The following ACLY variants were observed in gnomAD, a reference collection of about 807,000 sequenced individuals.
ACLY encodes the protein ATP-citrate synthase.
A neutral mutation model predicts 133.0 loss-of-function variants in ACLY; 41 were observed. That is an observed-to-expected ratio of 0.31 (90% CI 0.24 to 0.40). The LOEUF (loss-of-function observed/expected upper bound fraction) is 0.40. Ranked by LOEUF, ACLY falls within the 10% of genes least tolerant of loss-of-function variation. The probability of loss-of-function intolerance (pLI) is 1.00; values close to 1 mark genes in which losing one functional copy is unlikely to be tolerated. For synonymous variants in ACLY, 495 were observed against 549.3 expected (o/e 0.90, Z 1.38); for missense variants, 1,046 against 1,453.8 (o/e 0.72, Z 4.56).
chr17:41,868,633 A>G lies in ACLY; in HGVS notation c.3211+76T>C, dbSNP rs1199590833. The G allele has an allele frequency of 5.1e-5, 49 of 968,504 alleles. No homozygotes were observed. The African/African-American group carries it at 6.9e-4, about 14-fold the overall frequency. The allele number at this position is 968,504 out of a possible 1,614,324, so 60.0% of individuals were successfully genotyped here. A position where few individuals can be genotyped will look rare whatever the true frequency, so the allele number is the denominator to read the frequency against. ...AAAAAAAAGAAAGAAAAAGAAACTC[A>G]ACCCCATGAGTAAGTGGTGTAGCTG... On this transcript the variant is annotated intron_variant, in intron 28 of 28. Coordinates refer to ENST00000352035, the MANE Select transcript of ACLY (RefSeq NM_001096.3).
At chr17:41,921,442 C>T (rs2050180653), upstream of ACLY, among the ~76,000 whole-genome samples, 1 of 145,584 alleles carries the variant, frequency 6.9e-6, no homozygotes, top group Non-Finnish European at 1.5e-5. Context: ...TGAGATTGTG[C>T]ACTCCAGCCT....
intron 25 of ACLY, among the ~76,000 whole-genome samples, chr17:41,871,020 T>G (rs1178158938): frequency 6.6e-6 from 1 of 152,052 alleles, no homozygotes; most frequent in Non-Finnish European, 1.5e-5. Context: ...ATTTTTGGAG[T>G]TGTCTGTTAC....
In ACLY at chr17:41,886,224, G is replaced by A. The variant is rs2049043769; in HGVS notation, c.1960C>T (p.Pro654Ser). 3.1e-6 allele frequency: 5 copies of A among 1,614,204 alleles called. 1 individual carries two copies. The South Asian group carries it at 4.4e-5, about 14-fold the overall frequency. Residue 654 changes from proline to serine, a missense_variant, in exon 18 of 29, where the codon CCA becomes TCA. Physicochemically the swap from Pro to Ser is moderately conservative, Grantham distance 74. Coordinates refer to ENST00000352035, the MANE Select transcript of ACLY (RefSeq NM_001096.3). ...CGTGAGACATAGGCCACGCTGCCTGGGCGGTACAGTTTGGAGGCCAGGATG... is the reference window on the plus strand; with the variant it reads ...CGTGAGACATAGGCCACGCTGCCTGAGCGGTACAGTTTGGAGGCCAGGATG... Reference protein sequence around the residue: ...DNILASKLYRPGSVAYVSRSG... With the variant: ...DNILASKLYRSGSVAYVSRSG...
chr17:41,871,978 T>C, intron 24 of ACLY, 54 bp downstream of exon 24: 1 of 1,605,694 alleles, frequency 6.2e-7, no homozygotes, highest in Non-Finnish European at 8.5e-7. Context: ...CAAAGCAGCA[T>C]GAGGCCAAGG....
intron 7 of ACLY, 103 bp from the exon 8 acceptor site, chr17:41,906,749 G>T: frequency 9.5e-7 from 1 of 1,056,492 alleles, no homozygotes; most frequent in Non-Finnish European, 1.5e-6. Context: ...ATGAAAAGGT[G>T]CCTTAATGGG....
At chr17:41,918,987 G>C (rs1567918804), upstream of ACLY, 1 of 1,287,410 alleles carries the variant, frequency 7.8e-7, no homozygotes, top group Admixed American at 2.3e-5. Flanking sequence ...TTTTGTCCCG[G>C]CCCAGCCGGA....
At chr17:41,891,109 A>G (rs1555629190) in intron 16 of ACLY, among the ~76,000 whole-genome samples, 2 of 152,176 alleles carry the variant, frequency 1.3e-5, no homozygotes, top group East Asian at 3.8e-4. Flanking sequence ...ATAACAGCAC[A>G]CTGCAACCTC....
Position 41,871,556 on chromosome 17 carries a change from T to C in ACLY, c.2937+133A>G, listed in dbSNP as rs982179763. On this transcript the variant is annotated intron_variant, in intron 25 of 28. Coordinates refer to ENST00000352035, the MANE Select transcript of ACLY (RefSeq NM_001096.3). ...TTTTAGTAGAGACGGGGTTTCTCCA[T>C]GTTGGTCAGGCTGGTCTCCAACTCC... 33 of 1,031,136 alleles carry C rather than the reference T, an allele frequency of 3.2e-5. No homozygotes were observed. In the African/African-American group the frequency reaches 5.1e-4, roughly 16 times the overall value. The allele number at this position is 1,031,136 out of a possible 1,614,324, so 63.9% of individuals were successfully genotyped here.
chr17:41,923,048 C>G (rs2050201123), upstream of ACLY, among the ~76,000 whole-genome samples: 1 of 152,194 alleles, frequency 6.6e-6, no homozygotes, highest in Non-Finnish European at 1.5e-5. Context: ...AGCTCTAAAC[C>G]AGGCTGGGTG....
At chr17:41,901,369 A>G (rs1457629659) in intron 11 of ACLY, among the ~76,000 whole-genome samples, 1 of 152,054 alleles carries the variant, frequency 6.6e-6, no homozygotes, top group Non-Finnish European at 1.5e-5. Context: ...CCCCTGACAT[A>G]GCAGTTTGTG....
rs41275673 is a variant in ACLY at position 41,872,157 on chromosome 17, T to A, written c.2668A>T (p.Ile890Phe). The A allele has an allele frequency of 1.2e-3, 1,904 of 1,613,830 alleles. 2 individuals carry two copies. Among genetic ancestry groups the A allele is most frequent in the South Asian group, 2.5e-3 (225 of 91,072 alleles). ...KRLPKYSCQFIEMCLMVTADH... is the reference protein window; with the variant it reads ...KRLPKYSCQFFEMCLMVTADH... ...GCTGTCACCATCAGACACATCTCAA[T>A]GAACTGGCAAGAGTACTTAGGCAAC... is the stretch of plus-strand genomic sequence containing the variant. The change falls in exon 24 of 29, where the codon ATT becomes TTT. Residue 890 changes from isoleucine (I) to phenylalanine (F), a missense_variant. By Grantham distance (21) the Ile-to-Phe change is conservative. Transcript: ENST00000352035.
At chr17:41,878,261 C>G (rs1198457412) in intron 21 of ACLY, 65 bp from the exon 22 acceptor site, 2 of 1,127,006 alleles carry the variant, frequency 1.8e-6, no homozygotes, top group African/African-American at 3.2e-5. Flanking sequence ...GTAAGACATC[C>G]CAAGAATGCT....
intron 22 of ACLY, 109 bp downstream of exon 22, chr17:41,877,994 T>C (rs1386580245): frequency 6.9e-6 from 4 of 577,046 alleles, no homozygotes; most frequent in Non-Finnish European, 1.1e-5. Context: ...CCCCGACTAA[T>C]ACAGAAGGCC....
intron 22 of ACLY, among the ~76,000 whole-genome samples, chr17:41,874,199 TA>T (rs2048671312): frequency 1.3e-5 from 2 of 152,330 alleles, no homozygotes; most frequent in Admixed American, 1.3e-4. Flanking sequence ...GCATCAGCAC[TA>T]TCAGCTCTAT....
intron 12 of ACLY, 142 bp downstream of exon 12, chr17:41,898,489 T>C: frequency 9.0e-7 from 1 of 1,110,806 alleles, no homozygotes; most frequent in Admixed American, 2.9e-5. Flanking sequence ...GGAAAAAAAT[T>C]GGCAGAGATC....
At chr17:41,923,286 T>C (rs1246336264), upstream of ACLY, among the ~76,000 whole-genome samples, 4 of 152,230 alleles carry the variant, frequency 2.6e-5, no homozygotes, top group East Asian at 1.9e-4. Context: ...CAGAGGGTTA[T>C]AGGCACCATC....
At chr17:41,896,756 C>A in intron 13 of ACLY, 107 bp from the exon 14 acceptor site, 2 of 1,041,480 alleles carry the variant, frequency 1.9e-6, no homozygotes, top group African/African-American at 1.6e-5. Flanking sequence ...CCTTTCAGGG[C>A]TAAAGCCCTC....
At chr17:41,899,941 T>C (rs1186815063) in intron 11 of ACLY, among the ~76,000 whole-genome samples, 1 of 151,510 alleles carries the variant, frequency 6.6e-6, no homozygotes. Context: ...TTGTGGCATG[T>C]ATCTGTAGTC....
At chr17:41,905,197 T>C (rs981651638) in intron 9 of ACLY, among the ~76,000 whole-genome samples, 28 of 152,196 alleles carry the variant, frequency 1.8e-4, no homozygotes, top group African/African-American at 5.1e-4. Context: ...ACTGAGTTTA[T>C]TGCAATCAGA....
Sources: gnomAD v4.1 joint callset for allele counts (sites outside exome capture counted in the v4.1 genomes callset) on GRCh38, gnomAD v4.1.1 for gene constraint, MANE v1.5 for transcripts, NCBI Gene and HGNC (gene_info 2026-07-23, HGNC 2026-07-21) for gene names.